Variants in ATP8A2 observed in about 807,000 individuals in gnomAD.
ATP8A2 encodes phospholipid-transporting ATPase IB.
In ATP8A2, 100 loss-of-function variants were observed where a neutral mutation model predicts 165.6. The observed-to-expected ratio is 0.60, with a 90% CI of 0.51 to 0.71. The LOEUF (loss-of-function observed/expected upper bound fraction) is 0.71. ATP8A2 is among the 30% of genes least tolerant of loss of function. The pLI is 0.00. For missense variants in ATP8A2, 1,227 were observed against 1,479.5 expected, an observed-to-expected ratio of 0.83 and a Z score of 2.80; for synonymous variants, 543 against 548.8, an observed-to-expected ratio of 0.99 and a Z score of 0.15.
At chr13:25,918,076 C>A (rs1954322324) in intron 33 of ATP8A2, among the ~76,000 whole-genome samples, 1 of 152,186 alleles carries the variant, frequency 6.6e-6, no homozygotes, top group Non-Finnish European at 1.5e-5. Flanking sequence ...TTTTTAGATT[C>A]AATGAATTCA....
At chr13:25,675,787 C>A (rs1366620544) in intron 24 of ATP8A2, among the ~76,000 whole-genome samples, 1 of 152,136 alleles carries the variant, frequency 6.6e-6, no homozygotes, top group Non-Finnish European at 1.5e-5. Context: ...CTTTGACAGG[C>A]AGGCTTGGAT....
intron 25 of ATP8A2, among the ~76,000 whole-genome samples, chr13:25,761,249 T>A (rs1392520343): frequency 6.6e-6 from 1 of 152,248 alleles, no homozygotes; most frequent in East Asian, 1.9e-4. Flanking sequence ...CTGGAGCGTG[T>A]TGACCTGTAT....
chr13:25,699,158 A>G lies in ATP8A2; in HGVS notation c.2212-15A>G. On this transcript the variant is annotated splice_polypyrimidine_tract_variant and intron_variant, in intron 24 of 36. Coordinates refer to ENST00000381655, the MANE Select transcript of ATP8A2 (RefSeq NM_016529.6). ...CACACAAAAAATGTGATTTTCCCCT[A>G]TACTCTTGTTTCAGGCCACAAGGGC... 1 of 1,517,568 alleles carries G rather than the reference A, an allele frequency of 6.6e-7. No individual in the cohort carries two copies. The highest frequency in any genetic ancestry group is 2.4e-5 in the East Asian group (1 of 42,402). 94.0% of individuals were successfully genotyped at this position (1,517,568 alleles called of 1,614,324 possible).
chr13:25,696,964 A>G (rs1056773022), intron 24 of ATP8A2, among the ~76,000 whole-genome samples: 2 of 152,220 alleles, frequency 1.3e-5, no homozygotes, highest in Non-Finnish European at 2.9e-5. Context: ...ATGACAGATT[A>G]CCATAACAGA....
At chr13:25,413,736 C>T in intron 1 of ATP8A2, among the ~76,000 whole-genome samples, 1 of 152,020 alleles carries the variant, frequency 6.6e-6, no homozygotes, top group East Asian at 1.9e-4. Flanking sequence ...ATTTAGAGGC[C>T]AAGGAGGTGC....
chr13:26,019,415 G>C (rs951273902), intron 36 of ATP8A2, among the ~76,000 whole-genome samples: 2 of 152,130 alleles, frequency 1.3e-5, no homozygotes, highest in African/African-American at 2.4e-5. Context: ...AAACAGGAAG[G>C]CTCCAGGTAT....
Position 25,777,218 on chromosome 13 carries a change from C to T in ATP8A2, c.2679+2259C>T, listed in dbSNP as rs538550742. Among the ~76,000 whole-genome samples, 135 of 152,196 alleles carry T rather than the reference C, an allele frequency of 8.9e-4. 1 individual carries two copies. Among genetic ancestry groups the T allele is most frequent in the African/African-American group, 3.1e-3 (129 of 41,542 alleles). ...GCCCAATTTTCTATTTAGTATTTCT[C>T]GGGGATATTAATTTGAAAACCAAGA... On this transcript the variant is annotated intron_variant, in intron 27 of 36. Coordinates refer to ENST00000381655, the MANE Select transcript of ATP8A2 (RefSeq NM_016529.6).
chr13:25,724,927 A>C (rs1394796875), intron 25 of ATP8A2, among the ~76,000 whole-genome samples: 1 of 152,222 alleles, frequency 6.6e-6, no homozygotes, highest in Non-Finnish European at 1.5e-5. Context: ...TCTTCAATAA[A>C]AAAGAGTTAT....
At chr13:25,503,628 T>G (rs1280041161) in intron 2 of ATP8A2, among the ~76,000 whole-genome samples, 1 of 152,188 alleles carries the variant, frequency 6.6e-6, no homozygotes, top group Non-Finnish European at 1.5e-5. Context: ...GGAAAAATAA[T>G]TAAACACTCT....
At chr13:25,713,825 C>T (rs1317965719) in intron 25 of ATP8A2, among the ~76,000 whole-genome samples, 2 of 151,998 alleles carry the variant, frequency 1.3e-5, no homozygotes, top group East Asian at 1.9e-4. Flanking sequence ...TAGCAGCTAC[C>T]GTGGTGGACA....
intron 10 of ATP8A2, among the ~76,000 whole-genome samples, chr13:25,548,658 T>A (rs529349824): frequency 6.6e-6 from 1 of 152,330 alleles, no homozygotes; most frequent in South Asian, 2.1e-4. Context: ...TGATGATAAG[T>A]TGGCCTTTAC....
intron 33 of ATP8A2, among the ~76,000 whole-genome samples, chr13:25,932,197 A>G (rs1954786700): frequency 6.6e-6 from 1 of 152,132 alleles, no homozygotes; most frequent in African/African-American, 2.4e-5. Flanking sequence ...GGCTGAGCAG[A>G]TGTTGTGCTG....
At chr13:25,538,461 G>C (rs1190430853) in intron 7 of ATP8A2, among the ~76,000 whole-genome samples, 1 of 152,172 alleles carries the variant, frequency 6.6e-6, no homozygotes, top group African/African-American at 2.4e-5. Flanking sequence ...CACATTGATA[G>C]CTGTTCAAGA....
intron 25 of ATP8A2, among the ~76,000 whole-genome samples, chr13:25,752,073 T>G (rs377472058): frequency 2.6e-5 from 4 of 151,684 alleles, no homozygotes; most frequent in African/African-American, 9.7e-5. Flanking sequence ...AATGGGCATA[T>G]ATATTGGTGC....
chr13:25,815,711 A>G (rs942256185), intron 27 of ATP8A2, among the ~76,000 whole-genome samples: 1 of 152,230 alleles, frequency 6.6e-6, no homozygotes, highest in Admixed American at 6.5e-5. Flanking sequence ...ATTGAAAGCA[A>G]GGACTGAACC....
At chr13:25,731,232 A>AAGAG (rs767105493) in intron 25 of ATP8A2, among the ~76,000 whole-genome samples, 2 of 147,584 alleles carry the variant, frequency 1.4e-5, no homozygotes, top group African/African-American at 5.1e-5. Context: ...GAAAGAAGGA[A>AAGAG]AGAGAGAGAG....
chr13:25,837,070 G>C, intron 28 of ATP8A2, 93 bp from the exon 29 acceptor site: 1 of 1,488,046 alleles, frequency 6.7e-7, no homozygotes, highest in Non-Finnish European at 9.1e-7. Context: ...GTTTGGACTT[G>C]ACTGGAAGTG....
At chr13:25,756,710 G>C (rs574264498) in intron 25 of ATP8A2, among the ~76,000 whole-genome samples, 1 of 152,286 alleles carries the variant, frequency 6.6e-6, no homozygotes, top group East Asian at 1.9e-4. Context: ...GTTGTGCTTA[G>C]GATTACAGCA....
At chr13:25,949,290 G>A (rs896827054) in intron 33 of ATP8A2, among the ~76,000 whole-genome samples, 58 of 152,346 alleles carry the variant, frequency 3.8e-4, no homozygotes, top group African/African-American at 1.2e-3. Flanking sequence ...GGTGGGAGGG[G>A]ACCCATCTCA....
Sources: gnomAD v4.1 joint callset for allele counts (sites outside exome capture counted in the v4.1 genomes callset) on GRCh38, gnomAD v4.1.1 for gene constraint, MANE v1.5 for transcripts, NCBI Gene and HGNC (gene_info 2026-07-23, HGNC 2026-07-21) for gene names.